COX18: variants seen among roughly 807,000 people sequenced by gnomAD.
COX18 encodes the protein cytochrome c oxidase assembly factor COX18, also known as cytochrome c oxidase assembly protein COX18, mitochondrial.
In COX18, 45 loss-of-function variants were observed where a neutral mutation model predicts 38.0. That is an observed-to-expected ratio of 1.18 (90% CI 0.93 to 1.52). The LOEUF (loss-of-function observed/expected upper bound fraction) is 1.52, where lower values mean the gene tolerates loss of function less well. COX18 is among the 40% of genes most tolerant of loss of function. The pLI is 0.00. For synonymous variants in COX18, 177 were observed against 169.8 expected, an observed-to-expected ratio of 1.04 and a Z score of -0.33; for missense variants, 462 against 423.8, an observed-to-expected ratio of 1.09 and a Z score of -0.79.
intron 2 of COX18, among the ~76,000 whole-genome samples, 193 bp downstream of exon 2, chr4:73,067,836 C>T (rs1351498894): frequency 1.0e-3 from 8 of 8,026 alleles, no homozygotes; most frequent in Admixed American, 9.8e-3. Context: ...AGCAAAACTC[C>T]GTCTCAAAAA....
chr4:73,059,365 G>T (rs1720038960), intron 5 of COX18, among the ~76,000 whole-genome samples: 1 of 152,194 alleles, frequency 6.6e-6, no homozygotes, highest in Admixed American at 6.5e-5. Flanking sequence ...GTAAAGTGGG[G>T]ACAGTAACTG....
At chr4:73,069,090 C>G (rs1311916494) in intron 1 of COX18, among the ~76,000 whole-genome samples, 2 of 152,152 alleles carry the variant, frequency 1.3e-5, no homozygotes, top group Middle Eastern at 3.2e-3. Flanking sequence ...TCCAGTAAGA[C>G]AAAAGAAATG....
chr4:73,064,666 C>A lies in COX18; in HGVS notation c.723+112G>T. The A allele has an allele frequency of 8.6e-6, 11 of 1,275,494 alleles. No homozygotes were observed. The South Asian group carries it at 1.2e-4, about 14-fold the overall frequency. 79.0% of individuals were successfully genotyped at this position (1,275,494 alleles called of 1,614,324 possible). ...TGGAACCAGGAACCAAGGGATCTCACTTCTAACTCAGAGCTATCTTCACCA... is the reference window on the plus strand; with the variant it reads ...TGGAACCAGGAACCAAGGGATCTCAATTCTAACTCAGAGCTATCTTCACCA... On this transcript the variant is annotated intron_variant, in intron 4 of 5. Transcript: ENST00000507544.
chr4:73,059,787 T>C (rs1720059813), intron 5 of COX18, among the ~76,000 whole-genome samples: 1 of 152,140 alleles, frequency 6.6e-6, no homozygotes, highest in Non-Finnish European at 1.5e-5. Context: ...ATCTGATTTA[T>C]CCACCAAAAG....
intron 3 of COX18, 51 bp downstream of exon 3, chr4:73,065,199 T>TAAAA: frequency 1.7e-6 from 2 of 1,163,672 alleles, no homozygotes; most frequent in Non-Finnish European, 2.4e-6. Context: ...TTTTTTTTAG[T>TAAAA]ACAAAGACAA....
intron 5 of COX18, among the ~76,000 whole-genome samples, chr4:73,061,253 A>C (rs1720138923): frequency 6.6e-6 from 1 of 152,186 alleles, no homozygotes; most frequent in Non-Finnish European, 1.5e-5. Flanking sequence ...GGCAGAACTA[A>C]TTCAATATAC....
rs891440153 is a variant in COX18 at position 73,056,549 on chromosome 4, C to T, written c.*1565G>A. On this transcript the variant is annotated 3_prime_UTR_variant, in exon 6 of 6. Transcript: ENST00000507544. The stretch of plus-strand genomic sequence containing the variant: ...CTTTCTGAGCAGGGCCGGGAGGCAA[C>T]ATCATCTACCATGTTAGGGACTTGT... 5 of 152,168 alleles carry T rather than the reference C, an allele frequency of 3.3e-5. No homozygotes were observed. The highest frequency in any genetic ancestry group is 7.3e-5 in the Non-Finnish European group (5 of 68,044). The allele number at this position is 152,168 out of a possible 1,614,324, so 9.4% of individuals were successfully genotyped here. A position where few individuals can be genotyped will look rare whatever the true frequency, so the allele number is the denominator to read the frequency against.
rs962606485 is a variant in COX18 at position 73,069,716 on chromosome 4, G to C, written c.-67C>G. The C allele has an allele frequency of 1.4e-6, 2 of 1,446,938 alleles. No homozygotes were observed. Among genetic ancestry groups the C allele is most frequent in the Middle Eastern group, 1.7e-4 (1 of 5,830 alleles). The allele number at this position is 1,446,938 out of a possible 1,614,324, so 89.6% of individuals were successfully genotyped here. ...CAGCGGACATACACCGGCCAGCCAA[G>C]GCTGATACGCGCACGCGCCAGCAAC... On this transcript the variant is annotated 5_prime_UTR_variant, in exon 1 of 6. Coordinates refer to ENST00000507544, the MANE Select transcript of COX18 (RefSeq NM_001297732.2).
At chr4:73,062,963 C>T (rs1720250255) in intron 4 of COX18, among the ~76,000 whole-genome samples, 1 of 151,984 alleles carries the variant, frequency 6.6e-6, no homozygotes, top group Non-Finnish European at 1.5e-5. Flanking sequence ...ATTTAGCTCA[C>T]AGGGTTATTC....
rs1251459712 is a variant in COX18 at position 73,069,397 on chromosome 4, T to C, written c.253A>G (p.Ser85Gly). ...AAGGCCACGGTGGAGAGCAGAATGC[T>C]GCCCCACCAGGGCAGGCCCGTGGCG... ...HAATGLPWWG[S>G]ILLSTVALRG... The change falls in exon 1 of 6, where the codon AGC becomes GGC. Residue 85 changes from serine to glycine, a missense_variant. Physicochemically the swap from Ser to Gly is moderately conservative, Grantham distance 56. Transcript: ENST00000507544. 10 of 1,566,090 alleles carry C rather than the reference T, an allele frequency of 6.4e-6. No individual in the cohort carries two copies. Among genetic ancestry groups the C allele is most frequent in the Non-Finnish European group, 8.6e-6 (10 of 1,156,266 alleles).
intron 2 of COX18, among the ~76,000 whole-genome samples, chr4:73,066,821 TA>T (rs983031350): frequency 1.3e-5 from 2 of 152,250 alleles, no homozygotes; most frequent in Non-Finnish European, 2.9e-5. Context: ...CACGATTTTT[TA>T]AAATGTCAGA....
At chr4:73,062,368 C>G (rs116126390) in intron 4 of COX18, among the ~76,000 whole-genome samples, 1 of 149,540 alleles carries the variant, frequency 6.7e-6, no homozygotes, top group Admixed American at 6.6e-5. Context: ...TTAAAAAAAA[C>G]GACAACAAAA....
chr4:73,069,519 G>A lies in COX18; in HGVS notation c.131C>T (p.Ala44Val), dbSNP rs904392091. 6.3e-7 allele frequency: 1 copy of A among 1,585,814 alleles called. No individual in the cohort carries two copies. The highest frequency in any genetic ancestry group is 1.8e-5 in the Admixed American group (1 of 55,432). Residue 44 changes from alanine to valine, a missense_variant, in exon 1 of 6, where the codon GCA (alanine) becomes GTA (valine). Physicochemically the swap from Ala to Val is moderately conservative, Grantham distance 64. Transcript: ENST00000507544. ...KRPTLPVWAV[A>V]PVSAVHANGW... ...GTTCGCATGTACTGCAGAGACTGGT[G>A]CCACTGCCCACACTGGGAGAGTGGG... is the stretch of plus-strand genomic sequence containing the variant.
upstream of COX18, chr4:73,069,754 G>A: frequency 1.8e-6 from 2 of 1,088,400 alleles, no homozygotes; most frequent in South Asian, 1.6e-5. Flanking sequence ...CGGGCATAAA[G>A]CGCATGCGCG....
chr4:73,064,925 A>G (rs1171793804), intron 3 of COX18, 23 bp from the exon 4 acceptor site: 2 of 1,607,420 alleles, frequency 1.2e-6, no homozygotes, highest in African/African-American at 2.7e-5. Context: ...TATAAATAAA[A>G]CAATAGAAGT....
chr4:73,056,615 CG>C lies in COX18; in HGVS notation c.*1498del, dbSNP rs1719895518. 6.6e-6 allele frequency: 1 copy of C among 152,016 alleles called. No individual in the cohort carries two copies. The highest frequency in any genetic ancestry group is 1.5e-5 in the Non-Finnish European group (1 of 68,006). The allele number at this position is 152,016 out of a possible 1,614,324, so 9.4% of individuals were successfully genotyped here. ...TACTGCATATATTTCAAGTTGCCCC[CG>C]CTTTTTTTTTCAACCACGCATTAAC... On this transcript the variant is annotated 3_prime_UTR_variant, in exon 6 of 6. Coordinates refer to ENST00000507544, the MANE Select transcript of COX18 (RefSeq NM_001297732.2).
At position 73,069,701 on chromosome 4, in the gene COX18, A is replaced by T. The variant is rs1447013573; in HGVS notation, c.-52T>A. Reference sequence around the variant, plus strand: ...CCGGGCCTCACAATCCAGCGGACATACACCGGCCAGCCAAGGCTGATACGC... The same window carrying T: ...CCGGGCCTCACAATCCAGCGGACATTCACCGGCCAGCCAAGGCTGATACGC... On this transcript the variant is annotated 5_prime_UTR_variant, in exon 1 of 6. Transcript: ENST00000507544. 6.6e-7 allele frequency: 1 copy of T among 1,509,658 alleles called. No individual in the cohort carries two copies. The highest frequency in any genetic ancestry group is 1.4e-5 in the African/African-American group (1 of 72,686). 93.5% of individuals were successfully genotyped at this position (1,509,658 alleles called of 1,614,324 possible).
chr4:73,056,683 T>A lies in COX18; in HGVS notation c.*1431A>T, dbSNP rs1165031567. 6.6e-6 allele frequency: 1 copy of A among 152,154 alleles called. No homozygotes were observed. Among genetic ancestry groups the A allele is most frequent in the African/African-American group, 2.4e-5 (1 of 41,430 alleles). 9.4% of individuals were successfully genotyped at this position (152,154 alleles called of 1,614,324 possible). ...TTCCATTAGAATAAGATTTATTAAC[T>A]AGGAATTGCCAGAAAATCTTCCTGG... On this transcript the variant is annotated 3_prime_UTR_variant, in exon 6 of 6. Coordinates refer to ENST00000507544, the MANE Select transcript of COX18 (RefSeq NM_001297732.2).
At position 73,054,667 on chromosome 4, in the gene COX18, G is replaced by C. The variant is rs559009953; in HGVS notation, c.*3447C>G. The C allele has an allele frequency of 6.6e-6, 1 of 152,318 alleles. No homozygotes were observed. The highest frequency in any genetic ancestry group is 1.9e-4 in the East Asian group (1 of 5,190). The allele number at this position is 152,318 out of a possible 1,614,324, so 9.4% of individuals were successfully genotyped here. On this transcript the variant is annotated 3_prime_UTR_variant, in exon 6 of 6. Transcript: ENST00000507544. ...TTGTAAAGATACAAATATACATTTTGAAATCAAGGGGACTCACAGTAAACA... is the reference window on the plus strand; with the variant it reads ...TTGTAAAGATACAAATATACATTTTCAAATCAAGGGGACTCACAGTAAACA...
Sources: gnomAD v4.1 joint callset for allele counts (sites outside exome capture counted in the v4.1 genomes callset) on GRCh38, gnomAD v4.1.1 for gene constraint, MANE v1.5 for transcripts, NCBI Gene and HGNC (gene_info 2026-07-23, HGNC 2026-07-21) for gene names.